Variants in RIT2 observed in about 807,000 individuals in gnomAD.
RIT2 encodes GTP-binding protein Rit2.
In RIT2, 24 loss-of-function variants were observed where a neutral mutation model predicts 23.7. The ratio of observed to expected loss-of-function variants is 1.01; its 90% confidence interval spans 0.73 to 1.43. RIT2 has a LOEUF of 1.43. Ranked by LOEUF, RIT2 falls within the 40% of genes most tolerant of loss-of-function variation. The pLI is 0.00. For missense variants in RIT2, 236 were observed against 266.9 expected (o/e 0.88, Z 0.81); for synonymous variants, 107 against 91.1 (o/e 1.17, Z -0.99).
chr18:43,022,539 C>A (rs1911621272), intron 2 of RIT2, among the ~76,000 whole-genome samples: 1 of 152,068 alleles, frequency 6.6e-6, no homozygotes, highest in African/African-American at 2.4e-5. Flanking sequence ...ATATTCTCTA[C>A]ATGTAACAAG....
intron 1 of RIT2, among the ~76,000 whole-genome samples, chr18:43,036,495 G>A (rs947728409): frequency 2.0e-5 from 3 of 152,090 alleles, no homozygotes; most frequent in African/African-American, 7.2e-5. Flanking sequence ...AGCCGAAATT[G>A]TGCCCCTGCA....
intron 2 of RIT2, among the ~76,000 whole-genome samples, 151 bp downstream of exon 2, chr18:43,033,656 CTGTT>C (rs1250220865): frequency 6.6e-6 from 1 of 152,088 alleles, no homozygotes; most frequent in African/African-American, 2.4e-5. Flanking sequence ...CTTGAAGCTT[CTGTT>C]GTGGTACGTT....
chr18:42,995,340 A>T lies in RIT2; in HGVS notation c.161-21193T>A, dbSNP rs187382819. On this transcript the variant is annotated intron_variant, in intron 2 of 4. Transcript: ENST00000326695. ...CACCCAGGACTGGTAAATTAGCTTTACTCAACATGCCCTGAGTCAGATAAC... is the reference window on the plus strand; with the variant it reads ...CACCCAGGACTGGTAAATTAGCTTTTCTCAACATGCCCTGAGTCAGATAAC... Among the ~76,000 whole-genome samples the T allele has an allele frequency of 2.7e-3, 403 of 151,552 alleles. 4 individuals carry two copies. The highest frequency in any genetic ancestry group is 1.8e-3 in the Non-Finnish European group (124 of 67,866).
At chr18:43,105,509 G>GAAGAGAGGAAGGGAGGAAGA (rs1221620676) in intron 1 of RIT2, among the ~76,000 whole-genome samples, 34 of 150,736 alleles carry the variant, frequency 2.3e-4, no homozygotes, top group South Asian at 4.2e-4. Flanking sequence ...AGGGAGGGAG[G>GAAGAGAGGAAGGGAGGAAGA]GAGGGAGGGA....
chr18:43,087,508 A>G (rs573829139), intron 1 of RIT2, among the ~76,000 whole-genome samples: 5 of 152,158 alleles, frequency 3.3e-5, no homozygotes, highest in Non-Finnish European at 7.3e-5. Context: ...ACTTTTAATT[A>G]TTCATGAAGT....
chr18:43,062,785 C>T (rs1170615191), intron 1 of RIT2, among the ~76,000 whole-genome samples: 1 of 152,088 alleles, frequency 6.6e-6, no homozygotes, highest in East Asian at 1.9e-4. Context: ...ATAATATTAA[C>T]TGGGCACATA....
At chr18:43,036,411 A>G (rs1339454138) in intron 1 of RIT2, among the ~76,000 whole-genome samples, 2 of 152,026 alleles carry the variant, frequency 1.3e-5, no homozygotes, top group Non-Finnish European at 2.9e-5. Context: ...GTGGTGGCGC[A>G]TGCTTGTTAT....
chr18:42,903,142 G>A (rs1908521457), intron 4 of RIT2, among the ~76,000 whole-genome samples: 1 of 151,862 alleles, frequency 6.6e-6, no homozygotes, highest in African/African-American at 2.4e-5. Context: ...AAAATTATGA[G>A]AAAAAAATGG....
At chr18:42,916,136 C>T (rs1364731220) in intron 4 of RIT2, among the ~76,000 whole-genome samples, 3 of 151,994 alleles carry the variant, frequency 2.0e-5, no homozygotes, top group South Asian at 2.1e-4. Context: ...GATTGCTGTG[C>T]CCTACCCACA....
At chr18:43,047,733 A>G (rs1912281863) in intron 1 of RIT2, among the ~76,000 whole-genome samples, 1 of 152,198 alleles carries the variant, frequency 6.6e-6, no homozygotes, top group Non-Finnish European at 1.5e-5. Context: ...GAGAGATGGA[A>G]CATGCCAGGG....
chr18:42,753,166 A>G (rs1913086242), intron 4 of RIT2, among the ~76,000 whole-genome samples: 1 of 152,198 alleles, frequency 6.6e-6, no homozygotes, highest in Non-Finnish European at 1.5e-5. Flanking sequence ...GCTAGTGGGA[A>G]GCGGCAAGCA....
intron 2 of RIT2, among the ~76,000 whole-genome samples, chr18:43,003,302 A>G (rs1911150407): frequency 6.6e-6 from 1 of 152,048 alleles, no homozygotes. Flanking sequence ...AAGAGAACAG[A>G]AAAGTAGAAT....
At chr18:42,769,379 G>A (rs1320846943) in intron 4 of RIT2, among the ~76,000 whole-genome samples, 2 of 151,914 alleles carry the variant, frequency 1.3e-5, no homozygotes, top group Non-Finnish European at 2.9e-5. Flanking sequence ...AATTATGTAA[G>A]CCATTGCCTG....
At chr18:42,951,809 A>T (rs1909857986) in intron 3 of RIT2, among the ~76,000 whole-genome samples, 5 of 152,150 alleles carry the variant, frequency 3.3e-5, no homozygotes, top group Admixed American at 3.3e-4. Context: ...TTATATACAT[A>T]CACTGTGTAT....
rs140706711 is a variant in RIT2, at chr18:43,032,920, A to C, written c.160+891T>G. ...TGATAAGCATAATAGAAACTAGATGATCTTACCCATGGGTGGGGTGAGGAT... is the reference window on the plus strand; with the variant it reads ...TGATAAGCATAATAGAAACTAGATGCTCTTACCCATGGGTGGGGTGAGGAT... On this transcript the variant is annotated intron_variant, in intron 2 of 4. Transcript: ENST00000326695. Among the ~76,000 whole-genome samples the C allele has an allele frequency of 6.0e-4, 91 of 152,248 alleles. 1 individual carries two copies. The highest frequency in any genetic ancestry group is 2.1e-3 in the African/African-American group (87 of 41,570).
intron 1 of RIT2, among the ~76,000 whole-genome samples, chr18:43,093,473 T>C (rs1290240169): frequency 6.6e-6 from 1 of 151,884 alleles, no homozygotes; most frequent in Non-Finnish European, 1.5e-5. Flanking sequence ...CAATTTATTG[T>C]TATAGACCTA....
At chr18:43,020,716 T>C (rs1417686320) in intron 2 of RIT2, among the ~76,000 whole-genome samples, 1 of 152,052 alleles carries the variant, frequency 6.6e-6, no homozygotes, top group Non-Finnish European at 1.5e-5. Flanking sequence ...CACAAATTTA[T>C]AGCCAATTGA....
At chr18:42,919,848 G>T (rs1009616425) in intron 4 of RIT2, among the ~76,000 whole-genome samples, 3 of 152,016 alleles carry the variant, frequency 2.0e-5, no homozygotes, top group South Asian at 2.1e-4. Context: ...AGAGAAATCC[G>T]GGCCTATCTC....
chr18:42,975,325 A>G (rs534070683), intron 2 of RIT2, among the ~76,000 whole-genome samples: 85 of 152,220 alleles, frequency 5.6e-4, no homozygotes, highest in Non-Finnish European at 9.9e-4. Flanking sequence ...AATCACACTT[A>G]TTGATTTGTA....
Sources: gnomAD v4.1 joint callset for allele counts (sites outside exome capture counted in the v4.1 genomes callset) on GRCh38, gnomAD v4.1.1 for gene constraint, MANE v1.5 for transcripts, NCBI Gene and HGNC (gene_info 2026-07-23, HGNC 2026-07-21) for gene names.